The following CAMK2D variants were observed in gnomAD, a reference collection of about 807,000 sequenced individuals.
CAMK2D encodes the protein calcium/calmodulin dependent protein kinase II delta.
In CAMK2D, 37 loss-of-function variants were observed where a neutral mutation model predicts 84.0. That is an observed-to-expected ratio of 0.44 (90% CI 0.34 to 0.58). The LOEUF (loss-of-function observed/expected upper bound fraction) is 0.58. Among genes scored for constraint, CAMK2D ranks in the 20% least tolerant of loss-of-function variants. The pLI is 0.02. For missense variants in CAMK2D, 448 were observed against 652.5 expected (o/e 0.69, Z 3.41); for synonymous variants, 202 against 212.5 (o/e 0.95, Z 0.43).
chr4:113,543,082 T>G (rs1433706808), intron 6 of CAMK2D, among the ~76,000 whole-genome samples: 1 of 152,250 alleles, frequency 6.6e-6, no homozygotes, highest in Non-Finnish European at 1.5e-5. Context: ...CGGGTACATT[T>G]GAACTGCAGA....
At chr4:113,654,582 A>G (rs564620134) in intron 3 of CAMK2D, among the ~76,000 whole-genome samples, 2 of 152,088 alleles carry the variant, frequency 1.3e-5, no homozygotes, top group South Asian at 4.1e-4. Flanking sequence ...ACCAAAAACA[A>G]CCTCAAAACT....
At chr4:113,474,838 G>T (rs1447764030) in intron 16 of CAMK2D, among the ~76,000 whole-genome samples, 1 of 151,992 alleles carries the variant, frequency 6.6e-6, no homozygotes. Context: ...GTAGAGACAG[G>T]GTTTCACCAT....
At chr4:113,538,650 TA>T (rs1446381072) in intron 6 of CAMK2D, among the ~76,000 whole-genome samples, 2 of 152,220 alleles carry the variant, frequency 1.3e-5, no homozygotes, top group Non-Finnish European at 1.5e-5. Context: ...TCAAATTGGC[TA>T]AATTTTTCCC....
At chr4:113,731,835 C>G (rs551244520) in intron 2 of CAMK2D, among the ~76,000 whole-genome samples, 1 of 152,194 alleles carries the variant, frequency 6.6e-6, no homozygotes, top group Non-Finnish European at 1.5e-5. Context: ...CCGCCTGCCT[C>G]GGCCTTCCAA....
At chr4:113,642,835 G>GC (rs2099137761) in intron 3 of CAMK2D, among the ~76,000 whole-genome samples, 2 of 151,772 alleles carry the variant, frequency 1.3e-5, no homozygotes, top group Non-Finnish European at 2.9e-5. Context: ...CTCCCATTAG[G>GC]CCCCCTCTCA....
intron 4 of CAMK2D, among the ~76,000 whole-genome samples, chr4:113,558,711 T>G (rs2098682946): frequency 6.6e-6 from 1 of 152,188 alleles, no homozygotes; most frequent in African/African-American, 2.4e-5. Context: ...ATTTCACTTA[T>G]AAAATACTGA....
intron 2 of CAMK2D, among the ~76,000 whole-genome samples, chr4:113,700,079 G>A (rs1446463367): frequency 6.6e-6 from 1 of 151,854 alleles, no homozygotes; most frequent in Non-Finnish European, 1.5e-5. Flanking sequence ...AATATCCAAC[G>A]GGCAACTAAA....
chr4:113,472,616 C>G (rs949702115), intron 16 of CAMK2D, among the ~76,000 whole-genome samples: 1 of 152,128 alleles, frequency 6.6e-6, no homozygotes, highest in African/African-American at 2.4e-5. Context: ...TGATGATAAG[C>G]CCTATTGAGA....
At chr4:113,512,094 C>A (rs2098222592) in intron 12 of CAMK2D, among the ~76,000 whole-genome samples, 1 of 152,116 alleles carries the variant, frequency 6.6e-6, no homozygotes. Flanking sequence ...TAAACTGTAT[C>A]CAAACTAAAC....
chr4:113,463,542 A>T (rs1312352745), intron 17 of CAMK2D, among the ~76,000 whole-genome samples: 1 of 151,948 alleles, frequency 6.6e-6, no homozygotes, highest in Non-Finnish European at 1.5e-5. Flanking sequence ...ACACCTGGCT[A>T]ATTTTGTACT....
At chr4:113,588,241 G>T (rs887964726) in intron 4 of CAMK2D, among the ~76,000 whole-genome samples, 1 of 152,180 alleles carries the variant, frequency 6.6e-6, no homozygotes, top group Admixed American at 6.5e-5. Flanking sequence ...CAGGCTCCCC[G>T]GGTAATTGAA....
chr4:113,623,290 G>A (rs1213518044), intron 3 of CAMK2D, among the ~76,000 whole-genome samples: 1 of 151,898 alleles, frequency 6.6e-6, no homozygotes, highest in Non-Finnish European at 1.5e-5. Flanking sequence ...TCTGTGATAA[G>A]TATTTTATAA....
intron 16 of CAMK2D, among the ~76,000 whole-genome samples, chr4:113,499,196 C>G (rs1234824148): frequency 6.6e-6 from 1 of 152,040 alleles, no homozygotes; most frequent in African/African-American, 2.4e-5. Context: ...TGACTGGTAT[C>G]AATGATTCAT....
intron 18 of CAMK2D, among the ~76,000 whole-genome samples, chr4:113,458,804 A>G (rs1166961677): frequency 6.6e-6 from 1 of 152,240 alleles, no homozygotes; most frequent in Non-Finnish European, 1.5e-5. Flanking sequence ...ATAATTACTG[A>G]AAGTGATGTG....
chr4:113,523,768 T>C (rs1177389322), intron 8 of CAMK2D, among the ~76,000 whole-genome samples: 2 of 150,130 alleles, frequency 1.3e-5, no homozygotes, highest in African/African-American at 4.9e-5. Flanking sequence ...CCAGACCCTG[T>C]CTCGAAATAA....
At chr4:113,570,539 T>C (rs2098747650) in intron 4 of CAMK2D, among the ~76,000 whole-genome samples, 1 of 152,048 alleles carries the variant, frequency 6.6e-6, no homozygotes, top group Non-Finnish European at 1.5e-5. Context: ...CAAGAATACA[T>C]AAGGAGGAAA....
chr4:113,593,227 C>T (rs2098901770), intron 4 of CAMK2D, among the ~76,000 whole-genome samples: 1 of 152,130 alleles, frequency 6.6e-6, no homozygotes, highest in African/African-American at 2.4e-5. Flanking sequence ...GCTTAAAAGT[C>T]CATCACTCTG....
chr4:113,747,679 T>C (rs1594077553), intron 2 of CAMK2D, among the ~76,000 whole-genome samples: 3 of 152,282 alleles, frequency 2.0e-5, no homozygotes. Context: ...TCACTCTTAA[T>C]TTTTTGTATT....
Position 113,470,714 on chromosome 4 carries a change from A to C in CAMK2D, c.1136-5110T>G, listed in dbSNP as rs114302467. On this transcript the variant is annotated intron_variant, in intron 16 of 20. Coordinates refer to ENST00000511664, the MANE Select transcript of CAMK2D (RefSeq NM_001321571.2). ...TCCCCGCGATGTTATGAATTCATACATAGCTGGCACCTGATTTTTAAAAGC... is the reference window on the plus strand; with the variant it reads ...TCCCCGCGATGTTATGAATTCATACCTAGCTGGCACCTGATTTTTAAAAGC... 1.2e-3 allele frequency among the ~76,000 whole-genome samples: 180 copies of C among 152,220 alleles called. 1 individual carries two copies. Among genetic ancestry groups the C allele is most frequent in the African/African-American group, 4.1e-3 (169 of 41,528 alleles).
Sources: gnomAD v4.1 joint callset for allele counts (sites outside exome capture counted in the v4.1 genomes callset) on GRCh38, gnomAD v4.1.1 for gene constraint, MANE v1.5 for transcripts, NCBI Gene and HGNC (gene_info 2026-07-23, HGNC 2026-07-21) for gene names.